ZRANB3: variants seen among roughly 807,000 people sequenced by gnomAD.
The protein encoded by ZRANB3 is DNA annealing helicase and endonuclease ZRANB3.
A neutral mutation model predicts 133.8 loss-of-function variants in ZRANB3; 125 were observed. The ratio of observed to expected loss-of-function variants is 0.93; its 90% CI spans 0.81 to 1.08. The LOEUF is 1.08. ZRANB3 is among the 50% of genes least tolerant of loss of function. The pLI is 0.00. For missense variants in ZRANB3, 1,229 were observed against 1,275.5 expected, an observed-to-expected ratio of 0.96 and a Z score of 0.56; for synonymous variants, 387 against 432.7, an observed-to-expected ratio of 0.89 and a Z score of 1.31.
intron 12 of ZRANB3, among the ~76,000 whole-genome samples, chr2:135,245,202 A>G (rs1031031093): frequency 6.6e-6 from 1 of 152,252 alleles, no homozygotes; most frequent in African/African-American, 2.4e-5. Context: ...TAGGGCTGCC[A>G]TAAGCTGGAA....
At chr2:135,297,274 TG>T (rs561453959) in intron 8 of ZRANB3, among the ~76,000 whole-genome samples, 3 of 152,266 alleles carry the variant, frequency 2.0e-5, no homozygotes, top group South Asian at 2.1e-4. Context: ...GCCTTGGCAA[TG>T]GGGGGCACCC....
At chr2:135,403,695 C>T (rs573244446) in intron 2 of ZRANB3, among the ~76,000 whole-genome samples, 1 of 152,304 alleles carries the variant, frequency 6.6e-6, no homozygotes, top group East Asian at 1.9e-4. Flanking sequence ...AACTGGGAGG[C>T]ACCCCCGAGT....
At chr2:135,409,460 C>G (rs58586200) in intron 2 of ZRANB3, among the ~76,000 whole-genome samples, 10,483 of 151,960 alleles carry the variant, frequency 0.069, 758 homozygotes, top group African/African-American at 0.19. Flanking sequence ...AAAAAACTCT[C>G]AACAAATTAG....
intron 20 of ZRANB3, among the ~76,000 whole-genome samples, chr2:135,202,237 A>G (rs1693657034): frequency 6.6e-6 from 1 of 152,224 alleles, no homozygotes; most frequent in Non-Finnish European, 1.5e-5. Context: ...ACAAAGTTGC[A>G]TATTGAATAT....
At chr2:135,428,886 A>C (rs1689202944) in intron 2 of ZRANB3, among the ~76,000 whole-genome samples, 1 of 152,214 alleles carries the variant, frequency 6.6e-6, no homozygotes, top group African/African-American at 2.4e-5. Flanking sequence ...AAAGAATAAC[A>C]GATGCTGGTG....
At chr2:135,318,212 T>G (rs1398686497) in intron 6 of ZRANB3, among the ~76,000 whole-genome samples, 12 of 136,886 alleles carry the variant, frequency 8.8e-5, no homozygotes, top group African/African-American at 2.2e-4. Flanking sequence ...ACACACTATT[T>G]TGTGTGTGTG....
chr2:135,319,114 T>C (rs1002113665), intron 6 of ZRANB3, among the ~76,000 whole-genome samples: 11 of 152,212 alleles, frequency 7.2e-5, no homozygotes, highest in Admixed American at 7.2e-4. Context: ...ACTGACAGAA[T>C]TGGCCAGTAA....
chr2:135,354,122 A>C (rs1685329055), intron 3 of ZRANB3, among the ~76,000 whole-genome samples: 1 of 152,198 alleles, frequency 6.6e-6, no homozygotes, highest in African/African-American at 2.4e-5. Context: ...TTATGTTCAA[A>C]CTATTCATGA....
At position 135,395,280 on chromosome 2, in the gene ZRANB3, G is replaced by A. The variant is rs919600134; in HGVS notation, c.162-4460C>T. 2.6e-5 allele frequency among the ~76,000 whole-genome samples: 4 copies of A among 151,950 alleles called. 1 individual carries two copies. The highest frequency in any genetic ancestry group is 6.3e-3 in the Middle Eastern group (2 of 316). On this transcript the variant is annotated intron_variant, in intron 2 of 20. Coordinates refer to ENST00000264159, the MANE Select transcript of ZRANB3 (RefSeq NM_032143.4). The stretch of plus-strand genomic sequence containing the variant: ...CAGTCTCTTCAATAAATGGTGCTGG[G>A]AAAACTGGATATCTGCATTCAGAAG...
intron 13 of ZRANB3, 113 bp from the exon 14 acceptor site, chr2:135,228,128 G>A (rs1484086525): frequency 3.3e-6 from 3 of 912,070 alleles, no homozygotes; most frequent in African/African-American, 3.4e-5. Context: ...TTATTCATAT[G>A]TTCAAAACAT....
intron 9 of ZRANB3, among the ~76,000 whole-genome samples, chr2:135,273,172 C>A: frequency 7.1e-6 from 1 of 140,090 alleles, no homozygotes. Context: ...GGCGACTGAG[C>A]GAGACTGTCT....
chr2:135,284,201 G>A (rs1681235131), intron 8 of ZRANB3, among the ~76,000 whole-genome samples: 1 of 152,098 alleles, frequency 6.6e-6, no homozygotes, highest in African/African-American at 2.4e-5. Flanking sequence ...TATAAAATAA[G>A]ATAAAAGTAC....
At chr2:135,407,583 C>G (rs2104949106) in intron 2 of ZRANB3, among the ~76,000 whole-genome samples, 1 of 150,206 alleles carries the variant, frequency 6.7e-6, no homozygotes, top group South Asian at 2.1e-4. Flanking sequence ...TACTACAAGG[C>G]TACAGTAACC....
At chr2:135,377,867 G>C (rs1686496207) in intron 3 of ZRANB3, among the ~76,000 whole-genome samples, 1 of 152,180 alleles carries the variant, frequency 6.6e-6, no homozygotes. Flanking sequence ...GGCTGACAAA[G>C]GCAGACCTAC....
chr2:135,351,265 CTTT>C (rs34205567), intron 4 of ZRANB3, among the ~76,000 whole-genome samples: 4 of 119,686 alleles, frequency 3.3e-5, no homozygotes, highest in Admixed American at 8.7e-5. Flanking sequence ...CTATAATTTT[CTTT>C]TTTTTTTTTT....
At chr2:135,373,360 G>C (rs1686269469) in intron 3 of ZRANB3, among the ~76,000 whole-genome samples, 1 of 152,114 alleles carries the variant, frequency 6.6e-6, no homozygotes, top group Admixed American at 6.6e-5. Context: ...ACCAGAGATG[G>C]CAATATAGAG....
intron 2 of ZRANB3, among the ~76,000 whole-genome samples, chr2:135,492,116 A>G (rs1193668372): frequency 6.6e-6 from 1 of 152,356 alleles, no homozygotes; most frequent in Non-Finnish European, 1.5e-5. Context: ...TGACATATTT[A>G]GTGGATCATA....
chr2:135,430,862 C>T (rs563952615), intron 2 of ZRANB3, among the ~76,000 whole-genome samples: 12 of 151,928 alleles, frequency 7.9e-5, no homozygotes, highest in South Asian at 4.1e-4. Context: ...GATTTCCATA[C>T]GTAAAAACAA....
chr2:135,216,298 T>C (rs919173227), intron 17 of ZRANB3, among the ~76,000 whole-genome samples: 1 of 152,060 alleles, frequency 6.6e-6, no homozygotes, highest in African/African-American at 2.4e-5. Flanking sequence ...CCTGTGTGCA[T>C]GGAAAAAGCT....
Sources: allele counts gnomAD v4.1 joint callset (sites outside exome capture counted in the v4.1 genomes callset), GRCh38; gene constraint gnomAD v4.1.1; transcripts MANE v1.5; gene names NCBI Gene and HGNC (gene_info 2026-07-23, HGNC 2026-07-21).